Variants in ZNF487 observed in about 807,000 individuals in gnomAD.
ZNF487 encodes the protein zinc finger protein 487.
ZNF487 carries 4 observed loss-of-function variants against 3.0 expected under a neutral mutation model. The ratio of observed to expected loss-of-function variants is 1.35; its 90% CI spans 0.66 to 3.08. The LOEUF (loss-of-function observed/expected upper bound fraction) is 3.08, where lower values mean the gene tolerates loss of function less well. Ranked by LOEUF, ZNF487 falls within the 30% of genes most tolerant of loss-of-function variation. The pLI is 0.01. For missense variants in ZNF487, 146 were observed against 98.7 expected (o/e 1.48, Z -2.03); for synonymous variants, 55 against 34.6 (o/e 1.59, Z -2.06).
At chr10:43,463,430 C>T (rs570253339) in intron 1 of ZNF487, among the ~76,000 whole-genome samples, 33 of 151,420 alleles carry the variant, frequency 2.2e-4, no homozygotes, top group East Asian at 7.7e-4. Context: ...CCCAGCTACT[C>T]GGGAGGCTGA....
chr10:43,443,120 T>C lies in ZNF487; in HGVS notation c.-94+5858T>C, dbSNP rs1349712562. On this transcript the variant is annotated intron_variant, in intron 1 of 3. Coordinates refer to ENST00000437590, the MANE Select transcript of ZNF487 (RefSeq NM_001355444.3). ...TCTTGTCGCTCAGGCTGGAGTGCAATGGCATGATCTCTGCTCACTGCAACC... is the reference window on the plus strand; with the variant it reads ...TCTTGTCGCTCAGGCTGGAGTGCAACGGCATGATCTCTGCTCACTGCAACC... Among the ~76,000 whole-genome samples, 7 of 140,558 alleles carry C rather than the reference T, an allele frequency of 5.0e-5. No individual in the cohort carries two copies. In the East Asian group the frequency reaches 1.6e-3, roughly 32 times the overall value. The allele number at this position is 140,558 out of a possible 152,430, so 92.2% of individuals were successfully genotyped here.
Position 43,442,283 on chromosome 10 carries a change from GA to G in ZNF487, c.-94+5028del, listed in dbSNP as rs1223968495. On this transcript the variant is annotated intron_variant, in intron 1 of 3. Coordinates refer to ENST00000437590, the MANE Select transcript of ZNF487 (RefSeq NM_001355444.3). ...ACAACAACAACAAAAAAAAAACAAA[GA>G]AAAAAACTCTTGCTGTGAATTTGAT... Among the ~76,000 whole-genome samples, 19 of 136,828 alleles carry G rather than the reference GA, an allele frequency of 1.4e-4. No individual in the cohort carries two copies. In the South Asian group the frequency reaches 2.2e-3, roughly 16 times the overall value. The allele number at this position is 136,828 out of a possible 152,430, so 89.8% of individuals were successfully genotyped here. A position where few individuals can be genotyped will look rare whatever the true frequency, so the allele number is the denominator to read the frequency against.
intron 1 of ZNF487, among the ~76,000 whole-genome samples, chr10:43,458,457 A>G (rs751814334): frequency 6.6e-6 from 1 of 152,194 alleles, no homozygotes; most frequent in Non-Finnish European, 1.5e-5. Flanking sequence ...CTTTGCATTT[A>G]TCTTAGTGAG....
chr10:43,492,597 G>A, the ZNF487 span, among the ~76,000 whole-genome samples: 4 of 151,872 alleles, frequency 2.6e-5, no homozygotes, highest in Non-Finnish European at 5.9e-5. Flanking sequence ...GACTACAAGC[G>A]CCCGCCACCA....
intron 1 of ZNF487, among the ~76,000 whole-genome samples, chr10:43,450,379 G>C (rs927140149): frequency 6.0e-5 from 9 of 150,682 alleles, no homozygotes; most frequent in African/African-American, 1.5e-4. Context: ...TTGAGACGGA[G>C]TCTCACTCTG....
chr10:43,447,984 C>T (rs532155046), intron 1 of ZNF487, among the ~76,000 whole-genome samples: 211 of 112,148 alleles, frequency 1.9e-3, no homozygotes, highest in Non-Finnish European at 3.2e-3. Flanking sequence ...TCTTGGAAAC[C>T]ATTTTTTTTT....
At chr10:43,466,555 A>T (rs777044354) in intron 1 of ZNF487, among the ~76,000 whole-genome samples, 8 of 149,046 alleles carry the variant, frequency 5.4e-5, no homozygotes, top group Admixed American at 4.7e-4. Flanking sequence ...GGTGCGCACC[A>T]CCACACCCAG....
the ZNF487 span, among the ~76,000 whole-genome samples, chr10:43,513,774 C>T: frequency 6.6e-6 from 1 of 152,146 alleles, no homozygotes; most frequent in African/African-American, 2.4e-5. Flanking sequence ...CCACTGGACC[C>T]ACTGTAAGTT....
the ZNF487 span, among the ~76,000 whole-genome samples, chr10:43,514,688 C>T: frequency 6.6e-6 from 1 of 152,184 alleles, no homozygotes; most frequent in Non-Finnish European, 1.5e-5. Context: ...GCCCCTGCCA[C>T]CTTGGGATCC....
chr10:43,492,788 T>A, the ZNF487 span, among the ~76,000 whole-genome samples: 2 of 152,292 alleles, frequency 1.3e-5, no homozygotes, highest in East Asian at 3.9e-4. Context: ...GGGATATGTA[T>A]AGATAGTAAA....
intron 3 of ZNF487, among the ~76,000 whole-genome samples, chr10:43,479,962 C>CT (rs1331687122): frequency 2.1e-4 from 9 of 43,554 alleles, no homozygotes; most frequent in African/African-American, 3.2e-4. Flanking sequence ...GACTCTCTTT[C>CT]TTTCTTTCTT....
chr10:43,479,976 TTTCTTTCCTTCTTTCTTTCTTTC>T (rs1841265364), intron 3 of ZNF487, among the ~76,000 whole-genome samples: 11 of 43,950 alleles, frequency 2.5e-4, no homozygotes, highest in South Asian at 7.3e-4. Flanking sequence ...CTTTCTTTTC[TTTCTTTCCTTCTTTCTTTCTTTC>T]TTTCTTTCTT....
At chr10:43,492,925 A>T in the ZNF487 span, among the ~76,000 whole-genome samples, 1 of 152,276 alleles carries the variant, frequency 6.6e-6, no homozygotes, top group East Asian at 1.9e-4. Flanking sequence ...CTTATGTTGT[A>T]CATTAGAACT....
chr10:43,442,808 A>G (rs911706068), intron 1 of ZNF487, among the ~76,000 whole-genome samples: 9 of 152,246 alleles, frequency 5.9e-5, no homozygotes, highest in Middle Eastern at 6.8e-3. Context: ...TACAAGTCTG[A>G]TATGTGTTTG....
the ZNF487 span, among the ~76,000 whole-genome samples, chr10:43,492,793 A>G: frequency 6.6e-6 from 1 of 152,210 alleles, no homozygotes; most frequent in South Asian, 2.1e-4. Flanking sequence ...ATGTATAGAT[A>G]GTAAAGTGTT....
chr10:43,474,469 G>T (rs1049857976), intron 1 of ZNF487, among the ~76,000 whole-genome samples: 2 of 152,054 alleles, frequency 1.3e-5, no homozygotes, highest in African/African-American at 4.8e-5. Flanking sequence ...GGAGGCTGAG[G>T]CAGGAGTATT....
chr10:43,456,364 A>AG (rs1388416931), intron 1 of ZNF487, among the ~76,000 whole-genome samples: 1 of 152,178 alleles, frequency 6.6e-6, no homozygotes, highest in Non-Finnish European at 1.5e-5. Flanking sequence ...GACGAGGCTG[A>AG]GGAAGAGCAC....
chr10:43,493,706 AAAAATATAT>A, the ZNF487 span, among the ~76,000 whole-genome samples: 12 of 61,376 alleles, frequency 2.0e-4, no homozygotes, highest in Admixed American at 6.1e-4. Context: ...AAAAAAAAAA[AAAAATATAT>A]ATATATATAT....
intron 1 of ZNF487, among the ~76,000 whole-genome samples, chr10:43,455,635 C>T (rs1333222760): frequency 6.6e-6 from 1 of 152,206 alleles, no homozygotes; most frequent in Non-Finnish European, 1.5e-5. Context: ...TGGCGCGGCG[C>T]GCTTGTGGCA....
Sources: gnomAD v4.1 joint callset for allele counts (sites outside exome capture counted in the v4.1 genomes callset) on GRCh38, gnomAD v4.1.1 for gene constraint, MANE v1.5 for transcripts, NCBI Gene and HGNC (gene_info 2026-07-23, HGNC 2026-07-21) for gene names.